DENND10: variants seen among roughly 807,000 people sequenced by gnomAD.
The protein encoded by DENND10 is DENN domain-containing protein 10.
Under a neutral mutation model 43.6 loss-of-function variants are expected in DENND10, and 24 were observed. The ratio of observed to expected loss-of-function variants is 0.55; its 90% confidence interval spans 0.40 to 0.77. DENND10 has a LOEUF of 0.77. Ranked by LOEUF, DENND10 falls within the 30% of genes least tolerant of loss-of-function variation. The pLI is 0.00. For synonymous variants in DENND10, 125 were observed against 157.6 expected (o/e 0.79, Z 1.55); for missense variants, 303 against 429.9 (o/e 0.70, Z 2.61).
chr10:119,122,458 G>C (rs1033610302), intron 5 of DENND10, among the ~76,000 whole-genome samples: 3 of 152,156 alleles, frequency 2.0e-5, no homozygotes, highest in Non-Finnish European at 4.4e-5. Context: ...ACACACTTTA[G>C]AAGTTATTAT....
chr10:119,136,403 A>C (rs1846361984), intron 8 of DENND10, 68 bp from the exon 9 acceptor site: 1 of 1,536,156 alleles, frequency 6.5e-7, no homozygotes, highest in East Asian at 2.3e-5. Context: ...AATAGGAAGA[A>C]TTCTAGAGAC....
At chr10:119,113,451 C>G (rs914457222) in intron 3 of DENND10, among the ~76,000 whole-genome samples, 1 of 151,384 alleles carries the variant, frequency 6.6e-6, no homozygotes, top group Non-Finnish European at 1.5e-5. Context: ...TCTGCCTTGG[C>G]TTTTCAAAGC....
chr10:119,116,275 T>TCTA (rs1845270114), intron 3 of DENND10, among the ~76,000 whole-genome samples: 1 of 152,204 alleles, frequency 6.6e-6, no homozygotes, highest in Non-Finnish European at 1.5e-5. Context: ...AGCTTTAACT[T>TCTA]GACGATGAAT....
chr10:119,117,439 A>T, intron 3 of DENND10, 80 bp from the exon 4 acceptor site: 2 of 1,465,796 alleles, frequency 1.4e-6, no homozygotes, highest in Non-Finnish European at 1.9e-6. Flanking sequence ...TTGAGAAGGC[A>T]CCCATACCAG....
intron 4 of DENND10, among the ~76,000 whole-genome samples, chr10:119,119,299 C>T (rs991900268): frequency 4.6e-5 from 7 of 152,030 alleles, no homozygotes; most frequent in Admixed American, 1.3e-4. Flanking sequence ...CTTCCGCGCC[C>T]GGCCGCTAAT....
At chr10:119,135,400 T>A (rs1477866251) in intron 8 of DENND10, among the ~76,000 whole-genome samples, 1 of 152,052 alleles carries the variant, frequency 6.6e-6, no homozygotes, top group Non-Finnish European at 1.5e-5. Flanking sequence ...CAAAATGTAG[T>A]CTTTATATAC....
intron 3 of DENND10, among the ~76,000 whole-genome samples, chr10:119,112,391 G>A (rs1345150098): frequency 2.0e-5 from 3 of 151,980 alleles, no homozygotes; most frequent in Admixed American, 6.6e-5. Flanking sequence ...TGATTAACTG[G>A]TTAGTCACGA....
At chr10:119,120,782 G>A (rs1331410128) in intron 5 of DENND10, among the ~76,000 whole-genome samples, 4 of 152,198 alleles carry the variant, frequency 2.6e-5, no homozygotes, top group Non-Finnish European at 5.9e-5. Context: ...AAATGACTCA[G>A]CATGGCTGTG....
intron 4 of DENND10, among the ~76,000 whole-genome samples, chr10:119,118,109 AGTTATTAGATAATTCTAATCCTTCCATAC>A (rs1431057881): frequency 6.6e-6 from 1 of 152,224 alleles, no homozygotes; most frequent in Non-Finnish European, 1.5e-5. Flanking sequence ...AGAATTATCT[AGTTATTAGATAATTCTAATCCTTCCATAC>A]GTTATTTTCA....
chr10:119,116,210 C>T (rs939371503), intron 3 of DENND10, among the ~76,000 whole-genome samples: 23 of 152,140 alleles, frequency 1.5e-4, no homozygotes, highest in Non-Finnish European at 3.1e-4. Context: ...GGGGAAGAGA[C>T]GGATTCCACA....
chr10:119,106,185 C>T (rs537284084), intron 1 of DENND10, among the ~76,000 whole-genome samples: 1 of 151,884 alleles, frequency 6.6e-6, no homozygotes, highest in Non-Finnish European at 1.5e-5. Flanking sequence ...ATTGCGCCAC[C>T]GCACTGCAGC....
At chr10:119,125,209 T>G (rs1205935737) in intron 6 of DENND10, among the ~76,000 whole-genome samples, 1 of 152,040 alleles carries the variant, frequency 6.6e-6, no homozygotes, top group African/African-American at 2.4e-5. Context: ...TTACCTTAGG[T>G]GATCCACCCA....
rs1846127636 is a variant in DENND10 at position 119,132,417 on chromosome 10, T to C, written c.803-98T>C. ...CATGTGGGAGGTTATCAGCTGCTTT[T>C]TGAAAATTCCCTCAGTGTGGTCTTC... On this transcript the variant is annotated intron_variant, in intron 7 of 8. Coordinates refer to ENST00000361432, the MANE Select transcript of DENND10 (RefSeq NM_207009.4). The surrounding 1 kb of genome is among the most constrained non-coding windows in gnomAD (Gnocchi z 4.2). 1 of 950,128 alleles carries C rather than the reference T, an allele frequency of 1.1e-6. No homozygotes were observed. The highest frequency in any genetic ancestry group is 1.6e-5 in the African/African-American group (1 of 61,562). 58.9% of individuals were successfully genotyped at this position (950,128 alleles called of 1,614,324 possible). A position where few individuals can be genotyped will look rare whatever the true frequency, so the allele number is the denominator to read the frequency against.
At chr10:119,107,861 T>C (rs1000778177) in intron 1 of DENND10, 107 bp from the exon 2 acceptor site, 1 of 1,007,026 alleles carries the variant, frequency 9.9e-7, no homozygotes, top group African/African-American at 1.6e-5. Context: ...AGTTGCTTTG[T>C]AAGATGGGAT....
intron 8 of DENND10, among the ~76,000 whole-genome samples, chr10:119,136,135 A>G (rs973502972): frequency 1.6e-4 from 24 of 152,102 alleles, no homozygotes; most frequent in African/African-American, 5.1e-4. Flanking sequence ...CCATGATTGA[A>G]CCACTGCACT....
Position 119,129,548 on chromosome 10 carries a change from G to T in DENND10, c.728G>T (p.Ser243Ile). The T allele has an allele frequency of 6.2e-7, 1 of 1,613,698 alleles. No individual in the cohort carries two copies. The highest frequency in any genetic ancestry group is 1.1e-5 in the South Asian group (1 of 91,072). The change falls in exon 7 of 9, where the codon AGC becomes ATC. Residue 243 changes from serine to isoleucine, a missense_variant. Ser to Ile is a moderately radical substitution (Grantham distance 142). Coordinates refer to ENST00000361432, the MANE Select transcript of DENND10 (RefSeq NM_207009.4). ...YVAGFVDLEV[S>I]NRPDLYDVFV... ...GCTGGATTTGTAGACTTGGAGGTGAGCAACAGACCAGACCTCTATGATGTG... is the reference window on the plus strand; with the variant it reads ...GCTGGATTTGTAGACTTGGAGGTGATCAACAGACCAGACCTCTATGATGTG...
At chr10:119,115,448 C>T (rs1185514602) in intron 3 of DENND10, among the ~76,000 whole-genome samples, 6 of 89,048 alleles carry the variant, frequency 6.7e-5, no homozygotes, top group East Asian at 3.8e-4. Context: ...AGTGCAGTGG[C>T]GGGATCTCGG....
chr10:119,134,008 TTAA>T (rs1376008408), intron 8 of DENND10: 1 of 152,156 alleles, frequency 6.6e-6, no homozygotes, highest in African/African-American at 2.4e-5. Context: ...CATGAATGAA[TTAA>T]TGATGTCAGC....
In DENND10 at chr10:119,104,197, G is replaced by A; in HGVS notation, c.55G>A (p.Glu19Lys). ...TQLMLGVGLI[E>K]KDTNGEVLWV... Reference sequence around the variant, plus strand: ...GCTGATGCTTGGAGTCGGGCTGATCGGTGAGGACGTAGGCGCCCTGCCTGG... The same window carrying A: ...GCTGATGCTTGGAGTCGGGCTGATCAGTGAGGACGTAGGCGCCCTGCCTGG... The change falls in exon 1 of 9, where the codon GAA becomes AAA. Residue 19 changes from glutamate to lysine, a missense_variant and splice_region_variant. Physicochemically the swap from Glu to Lys is moderately conservative, Grantham distance 56. Transcript: ENST00000361432. 6.6e-6 allele frequency: 10 copies of A among 1,520,636 alleles called. No homozygotes were observed. The highest frequency in any genetic ancestry group is 2.2e-5 in the Admixed American group (1 of 45,176). The allele number at this position is 1,520,636 out of a possible 1,614,324, so 94.2% of individuals were successfully genotyped here.
Sources: gnomAD v4.1 joint callset for allele counts (sites outside exome capture counted in the v4.1 genomes callset) on GRCh38, gnomAD v4.1.1 for gene constraint, Gnocchi (gnomAD v3.1) non-coding constraint, MANE v1.5 for transcripts, NCBI Gene and HGNC (gene_info 2026-07-23, HGNC 2026-07-21) for gene names.